DGKH: variants seen among roughly 807,000 people sequenced by gnomAD.
DGKH encodes the protein DAG kinase eta.
A neutral mutation model predicts 159.3 loss-of-function variants in DGKH; 90 were observed. That is an observed-to-expected ratio of 0.57 (90% CI 0.48 to 0.67). The LOEUF is 0.67. Ranked by LOEUF, DGKH falls within the 30% of genes least tolerant of loss-of-function variation. The probability of loss-of-function intolerance (pLI) is 0.00; values close to 1 mark genes in which losing one functional copy is unlikely to be tolerated. For missense variants in DGKH, 1,181 were observed against 1,506.1 expected, an observed-to-expected ratio of 0.78 and a Z score of 3.57; for synonymous variants, 536 against 553.8, an observed-to-expected ratio of 0.97 and a Z score of 0.45.
chr13:42,048,453 CCT>C (rs1308761379), upstream of DGKH, among the ~76,000 whole-genome samples: 1 of 152,082 alleles, frequency 6.6e-6, no homozygotes, highest in African/African-American at 2.4e-5. This position sits in a 1 kb window ranked among gnomAD's most constrained non-coding sequence, Gnocchi z 6.7. Flanking sequence ...TGCTCCAAAC[CCT>C]GTCACCCCAT....
chr13:42,050,488 A>C (rs1472857906), intron 1 of DGKH, among the ~76,000 whole-genome samples: 2 of 152,256 alleles, frequency 1.3e-5, no homozygotes, highest in Non-Finnish European at 2.9e-5. Context: ...CAGTCACTTT[A>C]GTTAAGAGTA....
downstream of DGKH, among the ~76,000 whole-genome samples, chr13:42,245,155 C>A (rs1958571282): frequency 6.6e-6 from 1 of 152,108 alleles, no homozygotes; most frequent in Non-Finnish European, 1.5e-5. Context: ...CTAAATGAGA[C>A]AAGCAAGTGA....
chr13:42,119,913 T>C (rs180958254), intron 1 of DGKH, among the ~76,000 whole-genome samples: 10 of 152,298 alleles, frequency 6.6e-5, no homozygotes, highest in Admixed American at 4.6e-4. Context: ...GCTGAATCAA[T>C]GTTATTTTTT....
chr13:42,069,708 A>G, intron 1 of DGKH: 1 of 1,127,584 alleles, frequency 8.9e-7, no homozygotes. Flanking sequence ...AGTTAACTTC[A>G]TTCTCTCTCC....
chr13:42,222,550 A>G (rs1413350838), intron 29 of DGKH, among the ~76,000 whole-genome samples: 1 of 152,242 alleles, frequency 6.6e-6, no homozygotes, highest in Admixed American at 6.5e-5. Context: ...ATTAGAGTTC[A>G]TAAAGCAAAA....
At chr13:42,249,972 T>C (rs986869625) in intron 29 of DGKH, among the ~76,000 whole-genome samples, 7 of 151,054 alleles carry the variant, frequency 4.6e-5, no homozygotes, top group Non-Finnish European at 1.0e-4. Flanking sequence ...TTTTTTTGTT[T>C]TTTTGTTTTT....
intron 24 of DGKH, among the ~76,000 whole-genome samples, chr13:42,213,688 T>C (rs1370087045): frequency 6.6e-6 from 1 of 152,224 alleles, no homozygotes; most frequent in Non-Finnish European, 1.5e-5. Flanking sequence ...TCAGTCCCTT[T>C]TCTTGTTCTG....
At chr13:42,120,994 AAGTAGTTTGT>A (rs1450985845) in intron 1 of DGKH, among the ~76,000 whole-genome samples, 1 of 151,824 alleles carries the variant, frequency 6.6e-6, no homozygotes, top group Non-Finnish European at 1.5e-5. Context: ...TTTGTTCCAG[AAGTAGTTTGT>A]TTATGAACTG....
At chr13:42,246,007 A>G (rs1484061457), downstream of DGKH, among the ~76,000 whole-genome samples, 2 of 152,240 alleles carry the variant, frequency 1.3e-5, no homozygotes, top group East Asian at 1.9e-4. Context: ...TTACATAGCC[A>G]TAACTCTTGG....
intron 1 of DGKH, among the ~76,000 whole-genome samples, chr13:42,101,805 A>T (rs1954657594): frequency 6.6e-6 from 1 of 151,340 alleles, no homozygotes; most frequent in African/African-American, 2.4e-5. Flanking sequence ...AAGAGAGAGA[A>T]ATAAGAACAT....
chr13:42,199,473 C>A (rs1449995833), intron 18 of DGKH, 93 bp from the exon 19 acceptor site: 2 of 851,368 alleles, frequency 2.3e-6, no homozygotes, highest in Non-Finnish European at 3.6e-6. Context: ...AAAATGAAAG[C>A]TTAAATGGTT....
At chr13:42,100,248 A>G (rs553418984) in intron 1 of DGKH, among the ~76,000 whole-genome samples, 1 of 152,306 alleles carries the variant, frequency 6.6e-6, no homozygotes, top group African/African-American at 2.4e-5. Flanking sequence ...TCTTATGAGA[A>G]TCTAACTAAT....
At chr13:42,142,560 CT>C (rs1212069174) in intron 3 of DGKH, among the ~76,000 whole-genome samples, 2 of 151,846 alleles carry the variant, frequency 1.3e-5, no homozygotes, top group African/African-American at 4.8e-5. Flanking sequence ...TTTGTATCCT[CT>C]TTTATTTCAT....
chr13:42,218,957 AC>A (rs1471797676), intron 26 of DGKH, among the ~76,000 whole-genome samples: 1 of 152,232 alleles, frequency 6.6e-6, no homozygotes, highest in East Asian at 1.9e-4. Flanking sequence ...ACAGAAAAAA[AC>A]ACCAAAATAA....
At chr13:42,188,223 A>G (rs549378925) in intron 14 of DGKH, among the ~76,000 whole-genome samples, 1 of 152,350 alleles carries the variant, frequency 6.6e-6, no homozygotes, top group Admixed American at 6.5e-5. Context: ...TCAAAGACAA[A>G]TAGATGAGGA....
chr13:42,236,040 T>C lies in DGKH; in HGVS notation c.*6852T>C. ...AATATTTAATAACAAATATAAAAGC[T>C]TTGTATATTTTGTGGCATTAGGGGC... On this transcript the variant is annotated 3_prime_UTR_variant, in exon 30 of 30. Coordinates refer to ENST00000337343, the MANE Select transcript of DGKH (RefSeq NM_178009.5). The C allele has an allele frequency of 6.6e-6, 1 of 152,186 alleles. No homozygotes were observed. The highest frequency in any genetic ancestry group is 1.9e-4 in the East Asian group (1 of 5,204). 9.4% of individuals were successfully genotyped at this position (152,186 alleles called of 1,614,324 possible). A position where few individuals can be genotyped will look rare whatever the true frequency, so the allele number is the denominator to read the frequency against.
chr13:42,067,565 CAAAT>C (rs1490411071), intron 1 of DGKH, among the ~76,000 whole-genome samples: 5 of 152,068 alleles, frequency 3.3e-5, no homozygotes, highest in African/African-American at 1.2e-4. Context: ...CTTGAAATGA[CAAAT>C]AGATACCATT....
chr13:42,051,582 G>A lies in DGKH; in HGVS notation c.192+2617G>A, dbSNP rs190045940. 1.1e-3 allele frequency among the ~76,000 whole-genome samples: 161 copies of A among 147,598 alleles called. 1 individual carries two copies. Among genetic ancestry groups the A allele is most frequent in the African/African-American group, 3.7e-3 (152 of 40,614 alleles). On this transcript the variant is annotated intron_variant, in intron 1 of 29. Transcript: ENST00000337343. Reference sequence around the variant, plus strand: ...AAAGACAAATACTTTCTGTGTCTCCGCACAGGTGTGTAAGATGGGAGCACC... The same window carrying A: ...AAAGACAAATACTTTCTGTGTCTCCACACAGGTGTGTAAGATGGGAGCACC...
At chr13:42,118,793 T>C (rs1197859441) in intron 1 of DGKH, among the ~76,000 whole-genome samples, 1 of 152,044 alleles carries the variant, frequency 6.6e-6, no homozygotes, top group Non-Finnish European at 1.5e-5. Flanking sequence ...AGCTTGGACT[T>C]TATGTAGCAG....
Sources: gnomAD v4.1 joint callset for allele counts (sites outside exome capture counted in the v4.1 genomes callset) on GRCh38, gnomAD v4.1.1 for gene constraint, Gnocchi (gnomAD v3.1) non-coding constraint, MANE v1.5 for transcripts, NCBI Gene and HGNC (gene_info 2026-07-23, HGNC 2026-07-21) for gene names.